KIF26B: variants seen among roughly 807,000 people sequenced by gnomAD.
KIF26B encodes the protein kinesin-like protein KIF26B.
KIF26B carries 63 observed loss-of-function variants against 151.2 expected under a neutral mutation model. That is an observed-to-expected ratio of 0.42 (90% confidence interval 0.34 to 0.51). The LOEUF is 0.51. Among genes scored for constraint, KIF26B ranks in the 20% least tolerant of loss-of-function variants. The pLI, the probability that KIF26B is intolerant of heterozygous loss-of-function variation, is 0.07. For missense variants in KIF26B, 2,813 were observed against 2,913.6 expected (o/e 0.97, Z 0.79); for synonymous variants, 1,357 against 1,262.1 (o/e 1.08, Z -1.59).
At chr1:245,662,432 C>T (rs558395961) in intron 10 of KIF26B, among the ~76,000 whole-genome samples, 4 of 56,310 alleles carry the variant, frequency 7.1e-5, no homozygotes, top group African/African-American at 5.1e-4. Context: ...CATACACATA[C>T]CCGATATATA....
chr1:245,179,323 T>C lies in KIF26B; in HGVS notation c.465+22640T>C, dbSNP rs151106942. Among the ~76,000 whole-genome samples, 409 of 152,284 alleles carry C rather than the reference T, an allele frequency of 2.7e-3. 4 individuals carry two copies. The highest frequency in any genetic ancestry group is 9.0e-3 in the African/African-American group (374 of 41,564). On this transcript the variant is annotated intron_variant, in intron 2 of 14. Transcript: ENST00000407071. ...GCCACTTTCTCTGTGTTAAATACTA[T>C]GGATTCAAAAACAAAGGAGGCCGGG...
chr1:245,512,752 C>T lies in KIF26B; in HGVS notation c.1167-28015C>T, dbSNP rs1417364051. On this transcript the variant is annotated intron_variant, in intron 4 of 14. Transcript: ENST00000407071. This position sits in a 1 kb window ranked among gnomAD's most constrained non-coding sequence, Gnocchi z 4.3. ...CTCTGCACATAAAGTGGTTGTATCA[C>T]AAGGGGAAAGCTTTCGATCTTGTGC... is the stretch of plus-strand genomic sequence containing the variant. Among the ~76,000 whole-genome samples, 1 of 152,144 alleles carries T rather than the reference C, an allele frequency of 6.6e-6. No individual in the cohort carries two copies. Among genetic ancestry groups the T allele is most frequent in the Non-Finnish European group, 1.5e-5 (1 of 68,038 alleles).
intron 5 of KIF26B, among the ~76,000 whole-genome samples, chr1:245,555,474 T>C (rs1661998171): frequency 6.6e-6 from 1 of 152,124 alleles, no homozygotes; most frequent in Non-Finnish European, 1.5e-5. Context: ...CAGACTCCTG[T>C]CCTCTCTGGC....
chr1:245,461,768 A>T (rs1659652943), intron 4 of KIF26B, among the ~76,000 whole-genome samples: 1 of 152,190 alleles, frequency 6.6e-6, no homozygotes, highest in African/African-American at 2.4e-5. Context: ...AGACAAGAAT[A>T]GTATTTTAAT....
At chr1:245,313,027 T>G (rs1671693699) in intron 2 of KIF26B, among the ~76,000 whole-genome samples, 1 of 151,964 alleles carries the variant, frequency 6.6e-6, no homozygotes, top group Admixed American at 6.6e-5. Context: ...GGCGTGGTGG[T>G]GCGCACCTGT....
chr1:245,383,054 C>CAG lies in KIF26B; in HGVS notation c.999+15704_999+15705dup, dbSNP rs557079114. 1.0e-3 allele frequency among the ~76,000 whole-genome samples: 146 copies of CAG among 141,494 alleles called. 1 individual carries two copies. The highest frequency in any genetic ancestry group is 9.4e-3 in the South Asian group (43 of 4,570). The allele number at this position is 141,494 out of a possible 152,430, so 92.8% of individuals were successfully genotyped here. A position where few individuals can be genotyped will look rare whatever the true frequency, so the allele number is the denominator to read the frequency against. On this transcript the variant is annotated intron_variant, in intron 3 of 14. Coordinates refer to ENST00000407071, the MANE Select transcript of KIF26B (RefSeq NM_018012.4). Reference sequence around the variant, plus strand: ...ATATGTATATGTATATATATATATACAGAGAGAGAGAGAGAGAGGCAAACT... The same window carrying CAG: ...ATATGTATATGTATATATATATATACAGAGAGAGAGAGAGAGAGAGGCAAACT...
chr1:245,311,837 G>A (rs563386030), intron 2 of KIF26B, among the ~76,000 whole-genome samples: 1 of 152,238 alleles, frequency 6.6e-6, no homozygotes, highest in Admixed American at 6.5e-5. Flanking sequence ...GGCTGAGGCA[G>A]GAGAACGGCT....
intron 4 of KIF26B, among the ~76,000 whole-genome samples, chr1:245,472,927 A>G (rs1198813668): frequency 6.6e-6 from 1 of 152,258 alleles, no homozygotes; most frequent in Non-Finnish European, 1.5e-5. Context: ...AATGTAGCCA[A>G]GAGGTAGGTG....
At chr1:245,315,289 G>A (rs1468031209) in intron 2 of KIF26B, among the ~76,000 whole-genome samples, 1 of 152,228 alleles carries the variant, frequency 6.6e-6, no homozygotes, top group Admixed American at 6.5e-5. Flanking sequence ...CTCTGGAGAT[G>A]GATGGTGGCA....
intron 2 of KIF26B, among the ~76,000 whole-genome samples, chr1:245,327,370 G>A (rs556309689): frequency 8.5e-5 from 13 of 152,326 alleles, no homozygotes; most frequent in African/African-American, 2.9e-4. Flanking sequence ...CATAGAATAA[G>A]TGGCAGCAGA....
chr1:245,446,694 G>A (rs1659257569), intron 4 of KIF26B, among the ~76,000 whole-genome samples: 1 of 152,174 alleles, frequency 6.6e-6, no homozygotes, highest in African/African-American at 2.4e-5. Context: ...CCTGTTTATT[G>A]TAGGGCAGTT....
intron 2 of KIF26B, among the ~76,000 whole-genome samples, chr1:245,208,403 T>C (rs948010713): frequency 1.3e-5 from 2 of 152,180 alleles, no homozygotes; most frequent in Non-Finnish European, 2.9e-5. Context: ...TTGGTCATTT[T>C]CAGGGGTGTT....
At position 245,611,898 on chromosome 1, in the gene KIF26B, G is replaced by A. The variant is rs1176995969; in HGVS notation, c.2020G>A (p.Asp674Asn). 1.2e-6 allele frequency: 2 copies of A among 1,613,718 alleles called. No homozygotes were observed. Among genetic ancestry groups the A allele is most frequent in the African/African-American group, 2.7e-5 (2 of 74,920 alleles). Reference sequence around the variant, plus strand: ...GAGCCACCAACAGGACTGTGATGAGGACGACCACCGCAACTCACACGTGTT... The same window carrying A: ...GAGCCACCAACAGGACTGTGATGAGAACGACCACCGCAACTCACACGTGTT... Reference protein sequence around the residue: ...RRSHQQDCDEDDHRNSHVFFT... With the variant: ...RRSHQQDCDENDHRNSHVFFT... Residue 674 changes from aspartate (D) to asparagine (N), a missense_variant, in exon 9 of 15, where the codon GAC (aspartate) becomes AAC (asparagine). Physicochemically the swap from Asp to Asn is conservative, Grantham distance 23. This residue lies in a region of KIF26B where 2,060 missense variants were observed against 2,088.6 expected (regional missense o/e 0.99). Transcript: ENST00000407071.
intron 10 of KIF26B, among the ~76,000 whole-genome samples, chr1:245,649,997 C>G (rs1057456513): frequency 6.6e-6 from 1 of 152,200 alleles, no homozygotes; most frequent in Non-Finnish European, 1.5e-5. Context: ...GGTTTCCAAC[C>G]TCAGCCATTA....
Position 245,686,717 on chromosome 1 carries a change from C to T in KIF26B, c.3734C>T (p.Thr1245Met), listed in dbSNP as rs201284411. Residue 1245 changes from threonine (T) to methionine (M), a missense_variant, in exon 12 of 15, where the codon ACG becomes ATG. By Grantham distance (81) the Thr-to-Met change is moderately conservative. This residue lies in a region of KIF26B where 2,060 missense variants were observed against 2,088.6 expected (regional missense o/e 0.99). Transcript: ENST00000407071. The surrounding 1 kb of genome is among the most constrained non-coding windows in gnomAD (Gnocchi z 5.6). ...GAGGACCTGGAGTGCTACTCCAGCA[C>T]GGCCCCCGTCTCCGAGGTCAGCATC... ...ISEDLECYSS[T>M]APVSEVSITQ... 8.4e-5 allele frequency: 136 copies of T among 1,613,364 alleles called. 1 individual carries two copies. The highest frequency in any genetic ancestry group is 1.6e-4 in the Middle Eastern group (1 of 6,062).
intron 3 of KIF26B, among the ~76,000 whole-genome samples, chr1:245,418,351 A>G (rs1674471379): frequency 6.6e-6 from 1 of 152,244 alleles, no homozygotes; most frequent in Non-Finnish European, 1.5e-5. Flanking sequence ...GAATGAGAAT[A>G]AGAAAGTGTG....
chr1:245,257,391 A>C (rs919429512), intron 2 of KIF26B, among the ~76,000 whole-genome samples: 14 of 152,202 alleles, frequency 9.2e-5, no homozygotes, highest in African/African-American at 3.4e-4. Flanking sequence ...AAGTCTCTTC[A>C]AACATTTTAC....
At chr1:245,329,429 G>C (rs1672056815) in intron 2 of KIF26B, among the ~76,000 whole-genome samples, 1 of 152,220 alleles carries the variant, frequency 6.6e-6, no homozygotes, top group African/African-American at 2.4e-5. Context: ...CAGCTCCGGA[G>C]CTCCACCCTC....
intron 2 of KIF26B, among the ~76,000 whole-genome samples, chr1:245,320,210 T>C (rs1254470771): frequency 6.6e-6 from 1 of 152,232 alleles, no homozygotes; most frequent in East Asian, 1.9e-4. Context: ...CCACACACCC[T>C]GTTCAGTGCA....
Sources: allele counts gnomAD v4.1 joint callset (sites outside exome capture counted in the v4.1 genomes callset), GRCh38; gene constraint gnomAD v4.1.1; regional missense constraint gnomAD v4.1.1; non-coding constraint Gnocchi (gnomAD v3.1); transcripts MANE v1.5; gene names NCBI Gene and HGNC (gene_info 2026-07-23, HGNC 2026-07-21).